Variants in ZNF469 observed in about 807,000 individuals in gnomAD.
The protein encoded by ZNF469 is zinc finger protein 469.
A neutral mutation model predicts 1.0 loss-of-function variants in ZNF469; 1 was observed. The ratio of observed to expected loss-of-function variants is 1.00; its 90% CI spans 0.35 to 4.73. The LOEUF (loss-of-function observed/expected upper bound fraction) is 4.73, where lower values mean the gene tolerates loss of function less well. ZNF469 is among the 30% of genes most tolerant of loss of function. The pLI is 0.16. For missense variants in ZNF469, 6,100 were observed against 5,356.3 expected, an observed-to-expected ratio of 1.14 and a Z score of -4.33; for synonymous variants, 2,703 against 2,363.4, an observed-to-expected ratio of 1.14 and a Z score of -4.17.
the ZNF469 span, among the ~76,000 whole-genome samples, chr16:88,208,630 A>AGG: frequency 2.1e-5 from 1 of 46,818 alleles, no homozygotes; most frequent in Non-Finnish European, 5.0e-5. Context: ...GAGAAGTGGG[A>AGG]GGGAGAGAAG....
the ZNF469 span, among the ~76,000 whole-genome samples, chr16:88,349,629 CCAACA>C: frequency 6.8e-6 from 1 of 146,644 alleles, no homozygotes; most frequent in Non-Finnish European, 1.5e-5. Flanking sequence ...ACAATACACA[CCAACA>C]CAAGTGCACA....
At chr16:88,115,735 T>C in the ZNF469 span, among the ~76,000 whole-genome samples, 1 of 150,970 alleles carries the variant, frequency 6.6e-6, no homozygotes, top group Non-Finnish European at 1.5e-5. Context: ...GTACTCCTTC[T>C]GGGGGCTCTG....
chr16:88,367,264 C>T, the ZNF469 span, among the ~76,000 whole-genome samples: 1 of 152,238 alleles, frequency 6.6e-6, no homozygotes, highest in Non-Finnish European at 1.5e-5. Context: ...CCCACGCTCT[C>T]ATCTCAATGG....
the ZNF469 span, among the ~76,000 whole-genome samples, chr16:88,113,775 C>G: frequency 6.6e-6 from 1 of 152,316 alleles, no homozygotes; most frequent in Non-Finnish European, 1.5e-5. Context: ...TTCACCGACA[C>G]GGCTGGTTTG....
chr16:88,176,708 G>A, the ZNF469 span, among the ~76,000 whole-genome samples: 1 of 152,222 alleles, frequency 6.6e-6, no homozygotes, highest in East Asian at 1.9e-4. Context: ...GCTGCCTGTG[G>A]TGGGTCGGCC....
chr16:88,195,667 C>A, the ZNF469 span, among the ~76,000 whole-genome samples: 4 of 152,202 alleles, frequency 2.6e-5, no homozygotes, highest in Admixed American at 2.0e-4. Context: ...CTAACAATGG[C>A]AGATGGACGT....
the ZNF469 span, among the ~76,000 whole-genome samples, chr16:88,192,817 ATGGTGGTGGTGGTGG>A: frequency 2.8e-5 from 1 of 35,350 alleles, no homozygotes; most frequent in African/African-American, 1.3e-4. Context: ...AATGATGGTG[ATGGTGGTGGTGGTGG>A]TGATGACAAT....
the ZNF469 span, among the ~76,000 whole-genome samples, chr16:88,223,213 T>G: frequency 2.3e-4 from 35 of 152,206 alleles, no homozygotes; most frequent in Admixed American, 9.8e-4. Context: ...GGGAGAAAAC[T>G]GAACCATGGG....
chr16:88,256,807 G>A, the ZNF469 span, among the ~76,000 whole-genome samples: 2 of 152,064 alleles, frequency 1.3e-5, no homozygotes, highest in Non-Finnish European at 2.9e-5. Flanking sequence ...CTGATGACAT[G>A]TGTGGTGAGG....
At chr16:88,137,462 G>A in the ZNF469 span, among the ~76,000 whole-genome samples, 2 of 152,134 alleles carry the variant, frequency 1.3e-5, no homozygotes, top group Admixed American at 1.3e-4. Flanking sequence ...ATGCATGCAT[G>A]CAATCATGCA....
At chr16:88,113,289 A>G in the ZNF469 span, among the ~76,000 whole-genome samples, 1 of 152,216 alleles carries the variant, frequency 6.6e-6, no homozygotes, top group African/African-American at 2.4e-5. Flanking sequence ...GGCGAGAGCT[A>G]GGGGTCTCGT....
the ZNF469 span, among the ~76,000 whole-genome samples, chr16:88,219,298 C>T: frequency 6.7e-6 from 1 of 148,520 alleles, no homozygotes; most frequent in Non-Finnish European, 1.5e-5. Context: ...CAAAAAAGAG[C>T]CCGCATTGCC....
chr16:88,345,910 C>A, the ZNF469 span, among the ~76,000 whole-genome samples: 4 of 152,162 alleles, frequency 2.6e-5, no homozygotes, highest in Admixed American at 6.5e-5. Context: ...AGACCTGCTC[C>A]CTCGTCGAAT....
chr16:88,179,995 C>T, the ZNF469 span, among the ~76,000 whole-genome samples: 1 of 152,156 alleles, frequency 6.6e-6, no homozygotes, highest in Non-Finnish European at 1.5e-5. Context: ...CAACCATGAA[C>T]AGCTACACTA....
chr16:88,357,915 C>A, the ZNF469 span, among the ~76,000 whole-genome samples: 1 of 152,250 alleles, frequency 6.6e-6, no homozygotes, highest in Non-Finnish European at 1.5e-5. Context: ...CAAGAAGCGC[C>A]TCTTCTGCAG....
At chr16:88,123,181 T>A in the ZNF469 span, among the ~76,000 whole-genome samples, 2 of 152,132 alleles carry the variant, frequency 1.3e-5, no homozygotes, top group Admixed American at 1.3e-4. Context: ...GCTCCACCCC[T>A]TGTATGCCCC....
At chr16:88,181,220 G>A in the ZNF469 span, among the ~76,000 whole-genome samples, 36 of 152,184 alleles carry the variant, frequency 2.4e-4, no homozygotes, top group South Asian at 1.2e-3. Flanking sequence ...ACAGGCGCCC[G>A]CCACCACGCC....
the ZNF469 span, among the ~76,000 whole-genome samples, chr16:88,196,608 G>A: frequency 6.6e-6 from 1 of 152,204 alleles, no homozygotes. Flanking sequence ...AAAATAGCTG[G>A]AAAGAAGCAA....
the ZNF469 span, among the ~76,000 whole-genome samples, chr16:88,255,372 G>T: frequency 1.3e-5 from 2 of 152,208 alleles, no homozygotes; most frequent in East Asian, 3.8e-4. Flanking sequence ...TGCTTTCCCT[G>T]TGTTATCTCA....
Sources: allele counts gnomAD v4.1 joint callset (sites outside exome capture counted in the v4.1 genomes callset), GRCh38; gene constraint gnomAD v4.1.1; transcripts MANE v1.5; gene names NCBI Gene and HGNC (gene_info 2026-07-23, HGNC 2026-07-21).